SFXN1: variants seen among roughly 807,000 people sequenced by gnomAD.
SFXN1 encodes sideroflexin-1.
Under a neutral mutation model 39.5 loss-of-function variants are expected in SFXN1, and 32 were observed. That is an observed-to-expected ratio of 0.81 (90% CI 0.61 to 1.09). The LOEUF is 1.09. SFXN1 is among the 50% of genes least tolerant of loss of function. The probability of loss-of-function intolerance (pLI) is 0.00; values close to 1 mark genes in which losing one functional copy is unlikely to be tolerated. For synonymous variants in SFXN1, 136 were observed against 146.5 expected (o/e 0.93, Z 0.52); for missense variants, 402 against 407.1 (o/e 0.99, Z 0.11).
chr5:175,492,425 G>C (rs1468904605), intron 2 of SFXN1, 158 bp downstream of exon 2: 1 of 636,180 alleles, frequency 1.6e-6, no homozygotes, highest in African/African-American at 1.9e-5. Context: ...AAAAAGACCT[G>C]TTATATCCCC....
At chr5:175,517,982 C>CT (rs1438618279) in intron 8 of SFXN1, among the ~76,000 whole-genome samples, 1 of 152,108 alleles carries the variant, frequency 6.6e-6, no homozygotes, top group South Asian at 2.1e-4. Context: ...ACATTCTGGG[C>CT]TTTTTTAAAC....
intron 1 of SFXN1, among the ~76,000 whole-genome samples, chr5:175,480,974 G>A (rs114741974): frequency 0.016 from 2,468 of 152,330 alleles, 49 homozygotes; most frequent in African/African-American, 0.054. Context: ...TAGACCATGT[G>A]TCAAACCTGC....
intron 10 of SFXN1, chr5:175,523,007 T>C (rs1436332292): frequency 6.6e-6 from 1 of 152,466 alleles, no homozygotes; most frequent in Admixed American, 6.5e-5. Flanking sequence ...AGCGGCATTT[T>C]GTTGTCTGTC....
At chr5:175,519,864 C>CTTT (rs369561037) in intron 8 of SFXN1, among the ~76,000 whole-genome samples, 350 of 77,248 alleles carry the variant, frequency 4.5e-3, no homozygotes, top group African/African-American at 8.4e-3. Context: ...GGGTTTTTTG[C>CTTT]TTTTTTTTTT....
At chr5:175,497,261 T>C (rs1759891099) in intron 2 of SFXN1, among the ~76,000 whole-genome samples, 1 of 152,206 alleles carries the variant, frequency 6.6e-6, no homozygotes, top group South Asian at 2.1e-4. Context: ...CAGAGTTTCC[T>C]ACCTCCCCAT....
intron 2 of SFXN1, among the ~76,000 whole-genome samples, chr5:175,495,045 C>T (rs773856199): frequency 4.6e-5 from 7 of 152,120 alleles, no homozygotes; most frequent in Middle Eastern, 3.2e-3. Flanking sequence ...CCCAGGTGTC[C>T]GTCAGCAGAT....
At chr5:175,480,696 G>T (rs1657639876) in intron 1 of SFXN1, among the ~76,000 whole-genome samples, 1 of 152,232 alleles carries the variant, frequency 6.6e-6, no homozygotes, top group Admixed American at 6.5e-5. Context: ...CTCACTTCCT[G>T]CAGAGAAAGC....
At chr5:175,489,401 T>C (rs267373) in intron 1 of SFXN1, among the ~76,000 whole-genome samples, 85,704 of 152,098 alleles carry the variant, frequency 0.56, 24,548 homozygotes, top group Non-Finnish European at 0.61. Flanking sequence ...TGAATTCCCC[T>C]GCACGCCCTG....
intron 1 of SFXN1, among the ~76,000 whole-genome samples, chr5:175,487,292 A>G (rs1390025133): frequency 6.6e-6 from 1 of 152,230 alleles, no homozygotes; most frequent in African/African-American, 2.4e-5. Context: ...GATGTGTTCC[A>G]TTGGTGCAGA....
chr5:175,485,754 C>T (rs1329160265), intron 1 of SFXN1, among the ~76,000 whole-genome samples: 4 of 152,134 alleles, frequency 2.6e-5, no homozygotes, highest in African/African-American at 7.2e-5. Context: ...ATGCAGTGGG[C>T]GCTTCCAGTG....
Position 175,526,716 on chromosome 5 carries a change from C to T in SFXN1, c.951C>T (p.Tyr317=). 6.2e-7 allele frequency: 1 copy of T among 1,614,114 alleles called. No individual in the cohort carries two copies. The highest frequency in any genetic ancestry group is 8.5e-7 in the Non-Finnish European group (1 of 1,179,934). Residue 317 remains tyrosine (Y), a synonymous_variant, in exon 11 of 11, where the codon TAC becomes TAT. Coordinates refer to ENST00000321442, the MANE Select transcript of SFXN1 (RefSeq NM_022754.7). ...GCCATCCTGAATTGCGACGCGTGTA[C>T]TTCAATAAGGGATTGTAAAGCAGGG... ...QESHPELRRV[Y]FNKGL is the part of the protein sequence containing the mutation.
At chr5:175,517,007 G>T (rs1266845351) in intron 8 of SFXN1, among the ~76,000 whole-genome samples, 1 of 152,130 alleles carries the variant, frequency 6.6e-6, no homozygotes, top group Non-Finnish European at 1.5e-5. Flanking sequence ...AAAATCATTC[G>T]GAGTAGCAGC....
At chr5:175,485,185 T>G (rs2113260023) in intron 1 of SFXN1, among the ~76,000 whole-genome samples, 1 of 152,362 alleles carries the variant, frequency 6.6e-6, no homozygotes, top group African/African-American at 2.4e-5. Context: ...TTGGTATTTC[T>G]TATGCCACTA....
Position 175,509,170 on chromosome 5 carries a change from G to GACCATC in SFXN1, c.306_311dup (p.Ile103_Thr104dup). 6.2e-7 allele frequency: 1 copy of GACCATC among 1,613,534 alleles called. No individual in the cohort carries two copies. The highest frequency in any genetic ancestry group is 8.5e-7 in the Non-Finnish European group (1 of 1,179,824). On this transcript the variant is annotated inframe_insertion, in exon 3 of 11. Coordinates refer to ENST00000321442, the MANE Select transcript of SFXN1 (RefSeq NM_022754.7). ...TGTCAGCCCAGGTTCCCATGAACAT[G>GACCATC]ACCATCACAGGTTGTATGATGACGT...
At chr5:175,524,145 T>A (rs1367067825) in intron 10 of SFXN1, 64 of 35,492 alleles carry the variant, frequency 1.8e-3, no homozygotes, top group Middle Eastern at 0.017. Flanking sequence ...TATATATATA[T>A]ATATATATAT....
chr5:175,510,918 A>G (rs1760487973), intron 4 of SFXN1, among the ~76,000 whole-genome samples: 1 of 152,212 alleles, frequency 6.6e-6, no homozygotes, highest in African/African-American at 2.4e-5. Context: ...GTTTATTGCA[A>G]TTAAAATTTC....
chr5:175,484,719 C>T (rs77810460), intron 1 of SFXN1, among the ~76,000 whole-genome samples: 7,713 of 152,326 alleles, frequency 0.051, 288 homozygotes, highest in East Asian at 0.15. Flanking sequence ...CGTGTCAGCG[C>T]GCTTGCTAGA....
chr5:175,525,280 T>C lies in SFXN1; in HGVS notation c.873-1358T>C, dbSNP rs1240261233. 2.6e-5 allele frequency among the ~76,000 whole-genome samples: 4 copies of C among 152,308 alleles called. No homozygotes were observed. The South Asian group carries it at 8.3e-4, about 32-fold the overall frequency. On this transcript the variant is annotated intron_variant, in intron 10 of 10. Transcript: ENST00000321442. ...GCTTTGGGATCAAGAAAGATCTGCC[T>C]TCAACATCTCAGTTGCACCTCAGGT...
In SFXN1 at chr5:175,513,515, G is replaced by T; in HGVS notation, c.649G>T (p.Glu217Ter). ...GGATGAGAATGGGAACCGCTTGGGG[G>T]AGTCGGCGAACGCTGCGAAACAAGC... ...VTDENGNRLG[E>*]SANAAKQAIT... The change falls in exon 7 of 11, where the codon GAG becomes TAG. Residue 217 changes from glutamate (E) to a stop codon, truncating the protein, a stop_gained. Coordinates refer to ENST00000321442, the MANE Select transcript of SFXN1 (RefSeq NM_022754.7). LOFTEE classifies it high-confidence loss of function. 6.2e-7 allele frequency: 1 copy of T among 1,613,956 alleles called. No homozygotes were observed. The highest frequency in any genetic ancestry group is 8.5e-7 in the Non-Finnish European group (1 of 1,179,970).
Sources: allele counts gnomAD v4.1 joint callset (sites outside exome capture counted in the v4.1 genomes callset), GRCh38; gene constraint gnomAD v4.1.1; transcripts MANE v1.5; gene names NCBI Gene and HGNC (gene_info 2026-07-23, HGNC 2026-07-21).